SOS2: variants seen among roughly 807,000 people sequenced by gnomAD.
SOS2 encodes the protein SOS Ras/Rho guanine nucleotide exchange factor 2, also known as son of sevenless homolog 2.
A neutral mutation model predicts 148.2 loss-of-function variants in SOS2; 65 were observed. That is an observed-to-expected ratio of 0.44 (90% CI 0.36 to 0.54). The LOEUF (loss-of-function observed/expected upper bound fraction) is 0.54, where lower values mean the gene tolerates loss of function less well. Among genes scored for constraint, SOS2 ranks in the 20% least tolerant of loss-of-function variants. The pLI, the probability that SOS2 is intolerant of heterozygous loss-of-function variation, is 0.00. For synonymous variants in SOS2, 539 were observed against 537.1 expected (o/e 1.00, Z -0.05); for missense variants, 1,341 against 1,590.2 (o/e 0.84, Z 2.67).
intron 18 of SOS2, among the ~76,000 whole-genome samples, chr14:50,135,416 AAAAAAG>A (rs897036000): frequency 4.0e-5 from 6 of 151,652 alleles, no homozygotes; most frequent in African/African-American, 1.4e-4. Flanking sequence ...AAAAAAGAGA[AAAAAAG>A]AAAAAGAAAC....
chr14:50,188,416 A>T (rs181897283), intron 5 of SOS2, 81 bp downstream of exon 5: 52 of 950,610 alleles, frequency 5.5e-5, no homozygotes, highest in African/African-American at 1.5e-4. Context: ...TCAAAAAAAT[A>T]AAAAAAAGTG....
chr14:50,150,554 G>A (rs930181032), intron 13 of SOS2, among the ~76,000 whole-genome samples: 4 of 133,728 alleles, frequency 3.0e-5, no homozygotes, highest in Non-Finnish European at 6.3e-5. Flanking sequence ...TTCTCTCTCT[G>A]ATTATTTTCC....
intron 8 of SOS2, among the ~76,000 whole-genome samples, chr14:50,167,306 C>G (rs527923278): frequency 6.6e-6 from 1 of 151,912 alleles, no homozygotes; most frequent in South Asian, 2.1e-4. Flanking sequence ...AATATACTCA[C>G]ACACACACAA....
intron 9 of SOS2, among the ~76,000 whole-genome samples, chr14:50,160,559 G>A (rs558276636): frequency 1.3e-5 from 2 of 151,744 alleles, no homozygotes; most frequent in South Asian, 4.2e-4. Context: ...GCTAATTTTT[G>A]TATTTTTAGT....
Position 50,149,991 on chromosome 14 carries a change from T to G in SOS2, c.2384+17A>C, listed in dbSNP as rs1884610208. On this transcript the variant is annotated intron_variant, in intron 14 of 22. Coordinates refer to ENST00000216373, the MANE Select transcript of SOS2 (RefSeq NM_006939.4). ...GATTCTTAAAAATAAAGCAAGACAT[T>G]AACATTAATTGTCTACCTGTAAAGA... 6.7e-7 allele frequency: 1 copy of G among 1,488,486 alleles called. No individual in the cohort carries two copies. Among genetic ancestry groups the G allele is most frequent in the Non-Finnish European group, 9.4e-7 (1 of 1,066,484 alleles). The allele number at this position is 1,488,486 out of a possible 1,614,324, so 92.2% of individuals were successfully genotyped here. A position where few individuals can be genotyped will look rare whatever the true frequency, so the allele number is the denominator to read the frequency against.
intron 1 of SOS2, among the ~76,000 whole-genome samples, chr14:50,215,745 AAT>A (rs1317619304): frequency 1.3e-5 from 2 of 152,212 alleles, no homozygotes; most frequent in Non-Finnish European, 2.9e-5. Flanking sequence ...CAAAAAACAA[AAT>A]AGTCTCATAC....
intron 8 of SOS2, among the ~76,000 whole-genome samples, chr14:50,163,822 T>C (rs1215286526): frequency 6.6e-6 from 1 of 152,198 alleles, no homozygotes; most frequent in Non-Finnish European, 1.5e-5. Context: ...ATATCTAAAT[T>C]ATCACCAGTA....
Position 50,133,977 on chromosome 14 carries a change from C to T in SOS2, c.3075+146G>A, listed in dbSNP as rs1046981074. 2.1e-5 allele frequency: 13 copies of T among 633,754 alleles called. No homozygotes were observed. The African/African-American group carries it at 2.1e-4, about 10-fold the overall frequency. The allele number at this position is 633,754 out of a possible 1,614,324, so 39.3% of individuals were successfully genotyped here. ...TTTATCAAAAGGCTGACATTTCCCC[C>T]CCCAGTTTTAGAAATAGTATATTAC... On this transcript the variant is annotated intron_variant, in intron 19 of 22. Transcript: ENST00000216373.
At chr14:50,151,187 G>T (rs1356251948) in intron 13 of SOS2, among the ~76,000 whole-genome samples, 1 of 152,172 alleles carries the variant, frequency 6.6e-6, no homozygotes, top group African/African-American at 2.4e-5. Flanking sequence ...TTTGAAAAGG[G>T]ATCTGAACAA....
intron 1 of SOS2, among the ~76,000 whole-genome samples, chr14:50,209,983 C>T (rs945203528): frequency 5.3e-5 from 8 of 152,038 alleles, no homozygotes; most frequent in Non-Finnish European, 8.8e-5. Flanking sequence ...ACAATCAAAT[C>T]CAAGCAGGTT....
chr14:50,123,217 G>GCACTGATGCAATAAA (rs745685067), intron 21 of SOS2, among the ~76,000 whole-genome samples: 22 of 152,142 alleles, frequency 1.4e-4, no homozygotes, highest in Non-Finnish European at 1.6e-4. Context: ...CAAGAGCAAA[G>GCACTGATGCAATAAA]CACTGATGCA....
At chr14:50,136,652 C>T (rs2139541069) in intron 18 of SOS2, among the ~76,000 whole-genome samples, 1 of 150,430 alleles carries the variant, frequency 6.6e-6, no homozygotes, top group East Asian at 2.0e-4. Flanking sequence ...TGCAGTGGCT[C>T]TATCTCAGTT....
intron 4 of SOS2, 143 bp downstream of exon 4, chr14:50,199,548 T>C (rs1566476839): frequency 6.8e-6 from 3 of 444,088 alleles, no homozygotes; most frequent in South Asian, 6.4e-5. Context: ...AATATCACGG[T>C]TACTCTGTAA....
At chr14:50,178,383 C>T (rs1885596354) in intron 7 of SOS2, among the ~76,000 whole-genome samples, 1 of 152,104 alleles carries the variant, frequency 6.6e-6, no homozygotes, top group Non-Finnish European at 1.5e-5. Flanking sequence ...TGAGGCCTCC[C>T]CAGCCGTGCT....
At chr14:50,184,729 G>A (rs554671793) in intron 5 of SOS2, among the ~76,000 whole-genome samples, 1 of 151,994 alleles carries the variant, frequency 6.6e-6, no homozygotes, top group African/African-American at 2.4e-5. Flanking sequence ...CGGGTGGGGT[G>A]GTATGTGCCT....
chr14:50,215,450 A>G (rs1887016598), intron 1 of SOS2: 1 of 1,266,120 alleles, frequency 7.9e-7, no homozygotes, highest in Non-Finnish European at 1.0e-6. Context: ...GACAGTAAAC[A>G]TAAAATTACC....
At chr14:50,191,921 T>G (rs1346289500) in intron 4 of SOS2, among the ~76,000 whole-genome samples, 2 of 151,896 alleles carry the variant, frequency 1.3e-5, no homozygotes, top group Non-Finnish European at 2.9e-5. Flanking sequence ...AGTCTGAAAC[T>G]GGGAGGATTG....
intron 2 of SOS2, among the ~76,000 whole-genome samples, chr14:50,202,227 G>A (rs1218557363): frequency 6.6e-6 from 1 of 152,166 alleles, no homozygotes; most frequent in Non-Finnish European, 1.5e-5. Context: ...ACTTCCCAAA[G>A]TGCTGGGATT....
chr14:50,119,803 C>CA (rs1883437531), intron 22 of SOS2, among the ~76,000 whole-genome samples: 1 of 68,498 alleles, frequency 1.5e-5, no homozygotes, highest in African/African-American at 6.3e-5. Context: ...CCCAACCAGC[C>CA]TTTTTTTTTT....
Sources: allele counts gnomAD v4.1 joint callset (sites outside exome capture counted in the v4.1 genomes callset), GRCh38; gene constraint gnomAD v4.1.1; transcripts MANE v1.5; gene names NCBI Gene and HGNC (gene_info 2026-07-23, HGNC 2026-07-21).